The following ADGRB3 variants were observed in gnomAD, a reference collection of about 807,000 sequenced individuals.
The protein encoded by ADGRB3 is brain-specific angiogenesis inhibitor 3.
In ADGRB3, 37 loss-of-function variants were observed where a neutral mutation model predicts 193.4. That is an observed-to-expected ratio of 0.19 (90% CI 0.15 to 0.25). ADGRB3 has a LOEUF of 0.25. Among genes scored for constraint, ADGRB3 ranks in the 10% least tolerant of loss-of-function variants. The pLI, the probability that ADGRB3 is intolerant of heterozygous loss-of-function variation, is 1.00. For missense variants in ADGRB3, 1,637 were observed against 1,852.9 expected (o/e 0.88, Z 2.14); for synonymous variants, 690 against 644.2 (o/e 1.07, Z -1.08).
chr6:68,674,380 A>G (rs951416684), intron 3 of ADGRB3, among the ~76,000 whole-genome samples: 1 of 152,224 alleles, frequency 6.6e-6, no homozygotes, highest in African/African-American at 2.4e-5. Flanking sequence ...AGTGATAAAA[A>G]TATTATACAT....
intron 13 of ADGRB3, among the ~76,000 whole-genome samples, chr6:69,020,800 T>C (rs980951338): frequency 9.9e-5 from 15 of 152,070 alleles, no homozygotes; most frequent in Admixed American, 2.6e-4. Context: ...CACTGTAGTT[T>C]GGTGACTAGA....
chr6:68,898,045 C>G (rs1766290191), intron 3 of ADGRB3, among the ~76,000 whole-genome samples: 2 of 148,196 alleles, frequency 1.3e-5, no homozygotes, highest in South Asian at 2.1e-4. Flanking sequence ...GAGAGAGAGA[C>G]AGAGAAAGAG....
intron 3 of ADGRB3, among the ~76,000 whole-genome samples, chr6:68,673,862 A>G (rs1173773537): frequency 6.6e-6 from 1 of 152,172 alleles, no homozygotes; most frequent in East Asian, 1.9e-4. Context: ...TTTGTCCTTC[A>G]AATGCAGAGG....
intron 20 of ADGRB3, among the ~76,000 whole-genome samples, chr6:69,300,854 A>G (rs556159831): frequency 2.6e-4 from 40 of 151,938 alleles, no homozygotes; most frequent in Middle Eastern, 3.4e-3. Flanking sequence ...ATGTTCATGA[A>G]TTGTCACTAT....
intron 3 of ADGRB3, among the ~76,000 whole-genome samples, chr6:68,903,468 G>A (rs1031876323): frequency 6.6e-6 from 1 of 152,062 alleles, no homozygotes; most frequent in African/African-American, 2.4e-5. Flanking sequence ...TAGTTTTCCA[G>A]ATATCAGATG....
intron 23 of ADGRB3, chr6:69,332,282 A>G (rs1484043875): frequency 1.0e-6 from 1 of 984,078 alleles, no homozygotes; most frequent in Non-Finnish European, 1.2e-6. Context: ...AGAAAGTCTT[A>G]GAAAGAAAAT....
intron 3 of ADGRB3, among the ~76,000 whole-genome samples, chr6:68,883,722 A>G (rs955880308): frequency 5.3e-5 from 8 of 152,166 alleles, no homozygotes; most frequent in African/African-American, 9.7e-5. Context: ...AACTCTGAAC[A>G]TGTTTGAACA....
chr6:69,234,825 C>T (rs1370195253), intron 18 of ADGRB3, among the ~76,000 whole-genome samples: 1 of 152,036 alleles, frequency 6.6e-6, no homozygotes, highest in East Asian at 1.9e-4. Context: ...GACTTTATTA[C>T]TTCACAGTGG....
chr6:68,675,507 A>G lies in ADGRB3; in HGVS notation c.757+36075A>G, dbSNP rs531781519. On this transcript the variant is annotated intron_variant, in intron 3 of 31. Coordinates refer to ENST00000370598, the MANE Select transcript of ADGRB3 (RefSeq NM_001704.3). ...GAGTGAAATTAATGTTAGAATAAAA[A>G]TAAAATTGAAATCAACATGAGGGAA... Among the ~76,000 whole-genome samples, 106 of 152,344 alleles carry G rather than the reference A, an allele frequency of 7.0e-4. 1 individual carries two copies. The highest frequency in any genetic ancestry group is 1.4e-3 in the Non-Finnish European group (94 of 68,042).
At chr6:69,133,678 C>CT (rs57634617) in intron 17 of ADGRB3, among the ~76,000 whole-genome samples, 2,476 of 150,690 alleles carry the variant, frequency 0.016, 92 homozygotes, top group East Asian at 0.1. Flanking sequence ...AAGAAAATTT[C>CT]TTTTTTTTTC....
chr6:68,941,243 T>C (rs1767633616), intron 5 of ADGRB3, among the ~76,000 whole-genome samples: 1 of 152,200 alleles, frequency 6.6e-6, no homozygotes, highest in African/African-American at 2.4e-5. Context: ...ATTGGTCTTA[T>C]GAATAGCATC....
At chr6:68,954,661 T>C (rs1768019911) in intron 6 of ADGRB3, among the ~76,000 whole-genome samples, 1 of 151,786 alleles carries the variant, frequency 6.6e-6, no homozygotes, top group South Asian at 2.1e-4. Flanking sequence ...TGGTATTATG[T>C]ATTATTTAAA....
intron 3 of ADGRB3, among the ~76,000 whole-genome samples, chr6:68,664,727 C>A (rs372123647): frequency 6.6e-6 from 1 of 151,796 alleles, no homozygotes; most frequent in East Asian, 1.9e-4. Flanking sequence ...GTTAAGCGTG[C>A]CCAGGGATTC....
At chr6:68,826,648 G>A (rs79455170) in intron 3 of ADGRB3, among the ~76,000 whole-genome samples, 2 of 152,144 alleles carry the variant, frequency 1.3e-5, no homozygotes, top group South Asian at 4.1e-4. Flanking sequence ...ATAAAGCAGG[G>A]ACACCCCAGG....
chr6:68,672,260 T>C (rs2127294483), intron 3 of ADGRB3, among the ~76,000 whole-genome samples: 1 of 152,154 alleles, frequency 6.6e-6, no homozygotes, highest in Middle Eastern at 3.4e-3. Context: ...CAATTCCATT[T>C]GTTTCTGATC....
At chr6:68,795,432 A>G (rs1254284940) in intron 3 of ADGRB3, among the ~76,000 whole-genome samples, 3 of 152,124 alleles carry the variant, frequency 2.0e-5, no homozygotes, top group Non-Finnish European at 4.4e-5. Context: ...ATAAAGATTG[A>G]TTACACATTC....
chr6:68,671,620 T>C (rs1303729912), intron 3 of ADGRB3, among the ~76,000 whole-genome samples: 1 of 152,122 alleles, frequency 6.6e-6, no homozygotes, highest in African/African-American at 2.4e-5. Flanking sequence ...TTAGTCATGA[T>C]GAATGCTCTT....
At chr6:69,114,928 T>TA (rs1318116114) in intron 17 of ADGRB3, among the ~76,000 whole-genome samples, 7 of 152,112 alleles carry the variant, frequency 4.6e-5, no homozygotes, top group Admixed American at 3.9e-4. Flanking sequence ...TGGCGATCAT[T>TA]AAAAAGTCAA....
intron 20 of ADGRB3, among the ~76,000 whole-genome samples, chr6:69,303,291 C>T (rs547824762): frequency 9.2e-5 from 14 of 151,734 alleles, no homozygotes; most frequent in Admixed American, 2.6e-4. Flanking sequence ...AATAAAAAAG[C>T]GAAAAAAATC....
Sources: gnomAD v4.1 joint callset for allele counts (sites outside exome capture counted in the v4.1 genomes callset) on GRCh38, gnomAD v4.1.1 for gene constraint, MANE v1.5 for transcripts, NCBI Gene and HGNC (gene_info 2026-07-23, HGNC 2026-07-21) for gene names.